CUX2: variants seen among roughly 807,000 people sequenced by gnomAD.
The protein encoded by CUX2 is homeobox protein cut-like 2.
In CUX2, 40 loss-of-function variants were observed where a neutral mutation model predicts 144.8. The observed-to-expected ratio is 0.28, with a 90% CI of 0.21 to 0.36. The LOEUF (loss-of-function observed/expected upper bound fraction) is 0.36, where lower values mean the gene tolerates loss of function less well. Among genes scored for constraint, CUX2 ranks in the 10% least tolerant of loss-of-function variants. The pLI, the probability that CUX2 is intolerant of heterozygous loss-of-function variation, is 1.00. For synonymous variants in CUX2, 827 were observed against 875.6 expected (o/e 0.94, Z 0.98); for missense variants, 1,615 against 1,994.0 (o/e 0.81, Z 3.62).
At chr12:111,121,539 G>GC in intron 1 of CUX2, among the ~76,000 whole-genome samples, 1 of 151,864 alleles carries the variant, frequency 6.6e-6, no homozygotes, top group South Asian at 2.1e-4. Context: ...ACCACACCCA[G>GC]CTAGTAGAGG....
chr12:111,267,775 T>C (rs1773992917), intron 4 of CUX2, among the ~76,000 whole-genome samples: 1 of 152,100 alleles, frequency 6.6e-6, no homozygotes, highest in Non-Finnish European at 1.5e-5. Context: ...CACTCCAATG[T>C]CTCCTCTGTA....
rs1313199403 is a variant in CUX2 at position 111,246,313 on chromosome 12, A to AT, written c.223-17442dup. Among the ~76,000 whole-genome samples the AT allele has an allele frequency of 1.3e-5, 2 of 151,936 alleles. No homozygotes were observed. The highest frequency in any genetic ancestry group is 4.8e-5 in the African/African-American group (2 of 41,336). ...AGACACTACAAATCAGACCTTTTTTATTTTTTCTCACCAGTCAGCCACTTG... is the reference window on the plus strand; with the variant it reads ...AGACACTACAAATCAGACCTTTTTTATTTTTTTCTCACCAGTCAGCCACTTG... On this transcript the variant is annotated intron_variant, in intron 3 of 21. Coordinates refer to ENST00000261726, the MANE Select transcript of CUX2 (RefSeq NM_015267.4). The surrounding 1 kb of genome is among the most constrained non-coding windows in gnomAD (Gnocchi z 4.0).
intron 21 of CUX2, among the ~76,000 whole-genome samples, chr12:111,345,187 C>T (rs1041232865): frequency 1.3e-5 from 2 of 151,978 alleles, no homozygotes; most frequent in South Asian, 2.1e-4. Context: ...CAGTGACTCA[C>T]GCCTGTAATC....
intron 1 of CUX2, among the ~76,000 whole-genome samples, chr12:111,097,851 G>C (rs1283935652): frequency 3.3e-5 from 5 of 152,218 alleles, no homozygotes; most frequent in Non-Finnish European, 5.9e-5. Flanking sequence ...CCAGGCTCCA[G>C]GGCGTGTGAG....
At chr12:111,237,471 T>C (rs1277190959) in intron 3 of CUX2, among the ~76,000 whole-genome samples, 1 of 152,196 alleles carries the variant, frequency 6.6e-6, no homozygotes, top group Non-Finnish European at 1.5e-5. Flanking sequence ...CCACCTTGCC[T>C]TCACAACCGT....
At chr12:111,123,829 C>T (rs1874864846) in intron 1 of CUX2, among the ~76,000 whole-genome samples, 1 of 152,208 alleles carries the variant, frequency 6.6e-6, no homozygotes, top group Non-Finnish European at 1.5e-5. Context: ...AGCCACCGCG[C>T]CCAGACAAAC....
chr12:111,209,390 T>C (rs1349812289), intron 1 of CUX2, among the ~76,000 whole-genome samples: 1 of 152,038 alleles, frequency 6.6e-6, no homozygotes, highest in Non-Finnish European at 1.5e-5. Context: ...CAAGACCCTA[T>C]CTAAAAAAAA....
rs990310638 is a variant in CUX2, at chr12:111,293,244, G to A, written c.437-202G>A. Among the ~76,000 whole-genome samples, 6 of 152,262 alleles carry A rather than the reference G, an allele frequency of 3.9e-5. No individual in the cohort carries two copies. The highest frequency in any genetic ancestry group is 1.2e-4 in the African/African-American group (5 of 41,474). ...CATGAGCAGGCAAAAGAAGGTCTGC[G>A]TGTGCTGACGCTGGTGCCACAGTGG... On this transcript the variant is annotated intron_variant, in intron 5 of 21. Coordinates refer to ENST00000261726, the MANE Select transcript of CUX2 (RefSeq NM_015267.4). This position sits in a 1 kb window ranked among gnomAD's most constrained non-coding sequence, Gnocchi z 4.5.
intron 1 of CUX2, among the ~76,000 whole-genome samples, chr12:111,125,281 G>A (rs1402819259): frequency 1.3e-5 from 2 of 151,858 alleles, no homozygotes; most frequent in Non-Finnish European, 1.5e-5. Flanking sequence ...TTGGGTTCAA[G>A]CGATTCTCCT....
At chr12:111,213,469 C>T (rs1881344869) in intron 1 of CUX2, among the ~76,000 whole-genome samples, 1 of 152,150 alleles carries the variant, frequency 6.6e-6, no homozygotes, top group Admixed American at 6.5e-5. Flanking sequence ...CTGGTACATC[C>T]TATAAAAACC....
At chr12:111,345,873 G>A (rs1265730286) in intron 21 of CUX2, among the ~76,000 whole-genome samples, 3 of 149,082 alleles carry the variant, frequency 2.0e-5, no homozygotes, top group Non-Finnish European at 3.0e-5. Context: ...ACTTTGGGAG[G>A]CCGAGGCTGG....
At chr12:111,177,342 C>G (rs11835343) in intron 1 of CUX2, among the ~76,000 whole-genome samples, 1 of 152,098 alleles carries the variant, frequency 6.6e-6, no homozygotes, top group Non-Finnish European at 1.5e-5. Flanking sequence ...CAGGTACCAC[C>G]GGGACCAAGG....
chr12:111,215,691 ACCTTTGACTCT>A (rs1161067554), intron 2 of CUX2, among the ~76,000 whole-genome samples: 2 of 152,138 alleles, frequency 1.3e-5, no homozygotes, highest in East Asian at 3.9e-4. Flanking sequence ...GAATGAGGTT[ACCTTTGACTCT>A]CCTTTGACTC....
intron 1 of CUX2, among the ~76,000 whole-genome samples, chr12:111,164,184 G>T (rs1426051059): frequency 6.6e-6 from 1 of 152,130 alleles, no homozygotes; most frequent in Non-Finnish European, 1.5e-5. Context: ...AAAATGGAGG[G>T]AATTGTCAGC....
rs527786153 is a variant in CUX2, at chr12:111,040,262, G to C, written c.63+6022G>C. Among the ~76,000 whole-genome samples, 4 of 151,582 alleles carry C rather than the reference G, an allele frequency of 2.6e-5. No individual in the cohort carries two copies. The East Asian group carries it at 5.8e-4, about 22-fold the overall frequency. On this transcript the variant is annotated intron_variant, in intron 1 of 21. Coordinates refer to ENST00000261726, the MANE Select transcript of CUX2 (RefSeq NM_015267.4). ...TGATCATACCATTGCACTCCAGCCT[G>C]AGCAACTGAGCAAGACCCTGTTTAA...
intron 14 of CUX2, 148 bp from the exon 15 acceptor site, chr12:111,309,893 C>A: frequency 1.7e-6 from 1 of 603,674 alleles, no homozygotes; most frequent in Non-Finnish European, 2.4e-6. Flanking sequence ...CTCTCTCTGT[C>A]TCTCTGATGT....
intron 4 of CUX2, among the ~76,000 whole-genome samples, chr12:111,264,059 G>C (rs979505074): frequency 2.6e-5 from 4 of 152,076 alleles, no homozygotes; most frequent in Non-Finnish European, 5.9e-5. Flanking sequence ...CATCAGCCAG[G>C]AGCCTGCTTT....
chr12:111,328,695 G>T (rs1484730532), intron 18 of CUX2, among the ~76,000 whole-genome samples: 1 of 151,614 alleles, frequency 6.6e-6, no homozygotes, highest in Non-Finnish European at 1.5e-5. Context: ...CGGCTCCTGG[G>T]TTCAAGCAAT....
intron 1 of CUX2, among the ~76,000 whole-genome samples, chr12:111,050,771 G>A (rs1435850719): frequency 6.6e-6 from 1 of 152,172 alleles, no homozygotes; most frequent in African/African-American, 2.4e-5. Context: ...GCTGACTCTG[G>A]CTTCTCCACT....
Sources: allele counts gnomAD v4.1 joint callset (sites outside exome capture counted in the v4.1 genomes callset), GRCh38; gene constraint gnomAD v4.1.1; non-coding constraint Gnocchi (gnomAD v3.1); transcripts MANE v1.5; gene names NCBI Gene and HGNC (gene_info 2026-07-23, HGNC 2026-07-21).